LCT: variants seen among roughly 807,000 people sequenced by gnomAD.
LCT encodes the protein lactase/phlorizin hydrolase.
In LCT, 90 loss-of-function variants were observed where a neutral mutation model predicts 173.0. That is an observed-to-expected ratio of 0.52 (90% confidence interval 0.44 to 0.62). The LOEUF (loss-of-function observed/expected upper bound fraction) is 0.62, where lower values mean the gene tolerates loss of function less well. Among genes scored for constraint, LCT ranks in the 20% least tolerant of loss-of-function variants. The probability of loss-of-function intolerance (pLI) is 0.00; values close to 1 mark genes in which losing one functional copy is unlikely to be tolerated. For synonymous variants in LCT, 853 were observed against 957.6 expected (o/e 0.89, Z 2.02); for missense variants, 1,864 against 2,431.4 (o/e 0.77, Z 4.91).
intron 13 of LCT, among the ~76,000 whole-genome samples, chr2:135,797,238 G>A (rs887569733): frequency 9.9e-5 from 15 of 152,114 alleles, no homozygotes; most frequent in African/African-American, 2.7e-4. Flanking sequence ...GTGAGCCACC[G>A]CACCCGGCCT....
chr2:135,811,608 G>A (rs960807369), intron 7 of LCT, among the ~76,000 whole-genome samples: 6 of 151,892 alleles, frequency 4.0e-5, no homozygotes, highest in African/African-American at 9.7e-5. Flanking sequence ...GTTGGAGTCC[G>A]GAGGATCACT....
chr2:135,795,225 T>G (rs1258989684), intron 13 of LCT, among the ~76,000 whole-genome samples: 1 of 135,786 alleles, frequency 7.4e-6, no homozygotes, highest in Non-Finnish European at 1.6e-5. Flanking sequence ...TTTTTTTTTT[T>G]GTGGCTGAGT....
Position 135,820,470 on chromosome 2 carries a change from A to G in LCT, c.986+1550T>C, listed in dbSNP as rs2322812. 0.16 allele frequency: 24,592 copies of G among 152,424 alleles called. 2,425 individuals carry two copies. Among genetic ancestry groups the G allele is most frequent in the South Asian group, 0.33 (1,576 of 4,828 alleles). 9.4% of individuals were successfully genotyped at this position (152,424 alleles called of 1,614,324 possible). A position where few individuals can be genotyped will look rare whatever the true frequency, so the allele number is the denominator to read the frequency against. ...CACTGCCACACAAAGCCTGAGGTAC[A>G]GCTGCTGCTGCGGGTCTGTTGATCT... On this transcript the variant is annotated intron_variant, in intron 5 of 16. Transcript: ENST00000264162.
intron 6 of LCT, among the ~76,000 whole-genome samples, 154 bp downstream of exon 6, chr2:135,817,187 A>G: frequency 6.6e-6 from 1 of 152,118 alleles, no homozygotes; most frequent in East Asian, 1.9e-4. Flanking sequence ...TTAACAATTT[A>G]ATTAACAATT....
rs749618381 is a variant in LCT, at chr2:135,807,221, G to T, written c.4080C>A (p.Thr1360=). The part of the protein sequence containing the change: ...ASARYYTEVI[T]NNGMPLARED... ...CCCTGGCCAGTGGCATGCCGTTGTTGGTAATGACCTCTGTGTAGTACCTGG... is the reference window on the plus strand; with the variant it reads ...CCCTGGCCAGTGGCATGCCGTTGTTTGTAATGACCTCTGTGTAGTACCTGG... Residue 1360 remains threonine (T), a synonymous_variant, in exon 9 of 17, where the codon ACC becomes ACA. Transcript: ENST00000264162. 2 of 1,614,216 alleles carry T rather than the reference G, an allele frequency of 1.2e-6. No homozygotes were observed. Among genetic ancestry groups the T allele is most frequent in the South Asian group, 2.2e-5 (2 of 91,088 alleles).
At chr2:135,796,209 G>A (rs542571713) in intron 13 of LCT, among the ~76,000 whole-genome samples, 1 of 152,356 alleles carries the variant, frequency 6.6e-6, no homozygotes, top group South Asian at 2.1e-4. Flanking sequence ...TGGTTTAGGT[G>A]TGGCCCAGAG....
At chr2:135,802,061 A>G (rs2077631955) in intron 11 of LCT, among the ~76,000 whole-genome samples, 1 of 152,136 alleles carries the variant, frequency 6.6e-6, no homozygotes, top group East Asian at 1.9e-4. Flanking sequence ...CAACCAGCTG[A>G]CACGGAGATA....
chr2:135,818,636 G>A (rs1575343989), intron 5 of LCT, among the ~76,000 whole-genome samples: 2 of 152,112 alleles, frequency 1.3e-5, no homozygotes, highest in African/African-American at 2.4e-5. Flanking sequence ...TCAGAAGTTC[G>A]AGACCAGACT....
intron 9 of LCT, 121 bp downstream of exon 9, chr2:135,807,007 G>C: frequency 8.7e-7 from 1 of 1,152,154 alleles, no homozygotes; most frequent in Non-Finnish European, 1.3e-6. Context: ...ACCCCATGCT[G>C]CCCCTCCATG....
At chr2:135,824,977 A>T (rs2077872952) in intron 3 of LCT, among the ~76,000 whole-genome samples, 1 of 144,278 alleles carries the variant, frequency 6.9e-6, no homozygotes, top group African/African-American at 2.6e-5. Flanking sequence ...GGGCAACAAG[A>T]GCCAGGCTCC....
At chr2:135,792,850 T>C (rs574831365) in intron 14 of LCT, among the ~76,000 whole-genome samples, 21 of 152,266 alleles carry the variant, frequency 1.4e-4, no homozygotes, top group African/African-American at 5.1e-4. Context: ...TTGGGAGCTC[T>C]ATGGCCCCGC....
intron 1 of LCT, among the ~76,000 whole-genome samples, chr2:135,835,826 G>A (rs2105561118): frequency 6.6e-6 from 1 of 150,508 alleles, no homozygotes; most frequent in South Asian, 2.1e-4. Context: ...AGACATGTAA[G>A]TATAGGGGAG....
intron 13 of LCT, among the ~76,000 whole-genome samples, chr2:135,796,484 T>A (rs1034579237): frequency 5.9e-5 from 9 of 152,224 alleles, no homozygotes; most frequent in African/African-American, 2.2e-4. Context: ...CTCTCAGCTC[T>A]GGCACCCCCA....
At chr2:135,792,912 T>A (rs951248515) in intron 14 of LCT, among the ~76,000 whole-genome samples, 2 of 151,990 alleles carry the variant, frequency 1.3e-5, no homozygotes, top group African/African-American at 4.8e-5. Flanking sequence ...AACCTTGTAA[T>A]CCCCCTTCTA....
intron 3 of LCT, among the ~76,000 whole-genome samples, chr2:135,827,000 G>C (rs2077894412): frequency 6.6e-6 from 1 of 151,668 alleles, no homozygotes; most frequent in Non-Finnish European, 1.5e-5. Context: ...TTTTTTTTGA[G>C]ACAAGTCTCT....
intron 7 of LCT, among the ~76,000 whole-genome samples, chr2:135,812,042 G>A (rs1039790071): frequency 3.9e-5 from 6 of 152,096 alleles, no homozygotes; most frequent in African/African-American, 9.7e-5. Context: ...TTATGCCACC[G>A]CACTCCAGCT....
Position 135,831,970 on chromosome 2 carries a change from A to T in LCT, c.720+1141T>A, listed in dbSNP as rs143545701. Among the ~76,000 whole-genome samples the T allele has an allele frequency of 0.011, 1,607 of 152,272 alleles. 102 individuals are homozygous for T. In the East Asian group the frequency reaches 0.19, roughly 18 times the overall value. On this transcript the variant is annotated intron_variant, in intron 2 of 16. Coordinates refer to ENST00000264162, the MANE Select transcript of LCT (RefSeq NM_002299.4). ...GGTGGCTCAAGCCTGTAATTCCAGC[A>T]CTTTGGGAGGCCGAGGCAGGTGGAT...
At chr2:135,806,195 G>T (rs894174248) in intron 9 of LCT, among the ~76,000 whole-genome samples, 2 of 151,984 alleles carry the variant, frequency 1.3e-5, no homozygotes, top group East Asian at 3.9e-4. Flanking sequence ...GCCATGTCTT[G>T]CCCAGGCTGG....
chr2:135,830,356 T>G (rs2077926600), intron 2 of LCT, among the ~76,000 whole-genome samples: 1 of 151,746 alleles, frequency 6.6e-6, no homozygotes, highest in Non-Finnish European at 1.5e-5. Context: ...ATTCACAGAG[T>G]CTACACAGGA....
Sources: gnomAD v4.1 joint callset for allele counts (sites outside exome capture counted in the v4.1 genomes callset) on GRCh38, gnomAD v4.1.1 for gene constraint, MANE v1.5 for transcripts, NCBI Gene and HGNC (gene_info 2026-07-23, HGNC 2026-07-21) for gene names.